Variants in JAKMIP1 observed in about 807,000 individuals in gnomAD.
JAKMIP1 encodes the protein janus kinase and microtubule-interacting protein 1.
Under a neutral mutation model 113.0 loss-of-function variants are expected in JAKMIP1, and 33 were observed. The ratio of observed to expected loss-of-function variants is 0.29; its 90% CI spans 0.22 to 0.39. The LOEUF (loss-of-function observed/expected upper bound fraction) is 0.39. JAKMIP1 is among the 10% of genes least tolerant of loss of function. The pLI is 1.00. For synonymous variants in JAKMIP1, 480 were observed against 459.9 expected (o/e 1.04, Z -0.56); for missense variants, 813 against 1,080.5 (o/e 0.75, Z 3.47).
intron 1 of JAKMIP1, among the ~76,000 whole-genome samples, chr4:6,130,954 G>T (rs1200557165): frequency 6.6e-6 from 1 of 151,734 alleles, no homozygotes; most frequent in East Asian, 1.9e-4. Context: ...AAGGCAAATT[G>T]CTTGACCCCA....
chr4:6,082,428 C>T (rs951802167), intron 5 of JAKMIP1, among the ~76,000 whole-genome samples: 5 of 151,760 alleles, frequency 3.3e-5, no homozygotes, highest in African/African-American at 1.2e-4. Flanking sequence ...TGACTTGAAC[C>T]TTTATGTAAA....
chr4:6,187,030 A>G lies in JAKMIP1; in HGVS notation c.-148+13223T>C, dbSNP rs1726723154. ...TTTTTTGTAGAGACAGAGTTTCATC[A>G]TGTTATCCAGGCTGGTCTCAAACTC... On this transcript the variant is annotated intron_variant, in intron 1 of 20. Coordinates refer to ENST00000409021, the MANE Select transcript of JAKMIP1 (RefSeq NM_001099433.2). This position sits in a 1 kb window ranked among gnomAD's most constrained non-coding sequence, Gnocchi z 4.2. 6.6e-6 allele frequency among the ~76,000 whole-genome samples: 1 copy of G among 151,916 alleles called. No homozygotes were observed. Among genetic ancestry groups the G allele is most frequent in the Non-Finnish European group, 1.5e-5 (1 of 67,994 alleles).
rs977732763 is a variant in JAKMIP1 at position 6,155,441 on chromosome 4, G to A, written c.-147-42444C>T. Among the ~76,000 whole-genome samples, 2 of 152,204 alleles carry A rather than the reference G, an allele frequency of 1.3e-5. No homozygotes were observed. Among genetic ancestry groups the A allele is most frequent in the African/African-American group, 4.8e-5 (2 of 41,456 alleles). On this transcript the variant is annotated intron_variant, in intron 1 of 20. Coordinates refer to ENST00000409021, the MANE Select transcript of JAKMIP1 (RefSeq NM_001099433.2). This position sits in a 1 kb window ranked among gnomAD's most constrained non-coding sequence, Gnocchi z 6.1. ...AAAGTATGGAAAGGCTAAAACACTT[G>A]TCCAAAAGTGCACAGCTACTAAGCG...
At chr4:6,084,367 T>C (rs1331144441) in intron 5 of JAKMIP1, among the ~76,000 whole-genome samples, 1 of 150,080 alleles carries the variant, frequency 6.7e-6, no homozygotes, top group Non-Finnish European at 1.5e-5. Context: ...ATGATGACAA[T>C]GTATTATTGT....
chr4:6,092,343 A>C (rs1227781462), intron 3 of JAKMIP1, among the ~76,000 whole-genome samples: 2 of 152,214 alleles, frequency 1.3e-5, no homozygotes, highest in African/African-American at 2.4e-5. Flanking sequence ...CCTGTGCTAC[A>C]AAATGAGACA....
chr4:6,045,261 C>T (rs573654260), intron 16 of JAKMIP1, among the ~76,000 whole-genome samples: 10 of 152,346 alleles, frequency 6.6e-5, no homozygotes, highest in South Asian at 2.1e-4. Context: ...GTCTTTTTCT[C>T]GATCCACTTT....
intron 1 of JAKMIP1, among the ~76,000 whole-genome samples, chr4:6,147,665 C>G (rs192235881): frequency 6.6e-6 from 1 of 152,356 alleles, no homozygotes; most frequent in East Asian, 1.9e-4. Context: ...TCACTCTCCC[C>G]CACCGGGTCC....
chr4:6,095,083 T>C (rs1012745429), intron 3 of JAKMIP1, among the ~76,000 whole-genome samples: 1 of 28,056 alleles, frequency 3.6e-5, no homozygotes, highest in African/African-American at 1.4e-4. Flanking sequence ...GAAGGGGGAG[T>C]GGGGGAGGGA....
chr4:6,072,206 C>T (rs1442039075), intron 8 of JAKMIP1, among the ~76,000 whole-genome samples: 1 of 152,232 alleles, frequency 6.6e-6, no homozygotes, highest in African/African-American at 2.4e-5. Flanking sequence ...CATGTGACCA[C>T]ACACCCCCTC....
At chr4:6,159,088 C>A (rs201042494) in intron 1 of JAKMIP1, among the ~76,000 whole-genome samples, 43 of 143,566 alleles carry the variant, frequency 3.0e-4, no homozygotes, top group East Asian at 4.0e-4. Context: ...GATCCTGTCT[C>A]AAAAAAAAAA....
Position 6,069,556 on chromosome 4 carries a change from C to G in JAKMIP1, c.1303-4548G>C, listed in dbSNP as rs1296222853. ...TTGAGCCCAGGAGTTCAAGATCAAC[C>G]TGGGCCACATAGTGAGAATCCATCT... is the stretch of plus-strand genomic sequence containing the variant. On this transcript the variant is annotated intron_variant, in intron 8 of 20. Coordinates refer to ENST00000409021, the MANE Select transcript of JAKMIP1 (RefSeq NM_001099433.2). The surrounding 1 kb of genome is among the most constrained non-coding windows in gnomAD (Gnocchi z 4.5). Among the ~76,000 whole-genome samples the G allele has an allele frequency of 6.6e-6, 1 of 152,038 alleles. No homozygotes were observed. The highest frequency in any genetic ancestry group is 1.9e-4 in the East Asian group (1 of 5,190).
rs573590615 is a variant in JAKMIP1 at position 6,168,674 on chromosome 4, T to C, written c.-148+31579A>G. ...GGGAGGGCGAGGCGGGCAGATTTTTTGAGTCCAAGAGTCCAAGACCAGCTT... is the reference window on the plus strand; with the variant it reads ...GGGAGGGCGAGGCGGGCAGATTTTTCGAGTCCAAGAGTCCAAGACCAGCTT... On this transcript the variant is annotated intron_variant, in intron 1 of 20. Transcript: ENST00000409021. The surrounding 1 kb of genome is among the most constrained non-coding windows in gnomAD (Gnocchi z 4.6). Among the ~76,000 whole-genome samples, 4 of 151,990 alleles carry C rather than the reference T, an allele frequency of 2.6e-5. No individual in the cohort carries two copies. Among genetic ancestry groups the C allele is most frequent in the Non-Finnish European group, 5.9e-5 (4 of 68,014 alleles).
chr4:6,165,925 G>A (rs1723574293), intron 1 of JAKMIP1, among the ~76,000 whole-genome samples: 1 of 152,098 alleles, frequency 6.6e-6, no homozygotes, highest in Non-Finnish European at 1.5e-5. Context: ...TCCACCCCAA[G>A]GCTCTAGCAG....
chr4:6,048,993 G>T, intron 15 of JAKMIP1, 71 bp from the exon 16 acceptor site: 1 of 1,190,332 alleles, frequency 8.4e-7, no homozygotes, highest in Non-Finnish European at 1.2e-6. Context: ...TCAGCACCAA[G>T]CAAGTTTTTT....
chr4:6,074,528 G>A (rs1294116016), intron 8 of JAKMIP1, among the ~76,000 whole-genome samples: 1 of 152,208 alleles, frequency 6.6e-6, no homozygotes, highest in African/African-American at 2.4e-5. Flanking sequence ...AAAGAAACTA[G>A]TCTAGTCATC....
In JAKMIP1 at chr4:6,135,489, G is replaced by T. The variant is rs1296872462; in HGVS notation, c.-147-22492C>A. 6.6e-6 allele frequency among the ~76,000 whole-genome samples: 1 copy of T among 152,086 alleles called. No individual in the cohort carries two copies. Among genetic ancestry groups the T allele is most frequent in the Non-Finnish European group, 1.5e-5 (1 of 68,014 alleles). On this transcript the variant is annotated intron_variant, in intron 1 of 20. Coordinates refer to ENST00000409021, the MANE Select transcript of JAKMIP1 (RefSeq NM_001099433.2). This position sits in a 1 kb window ranked among gnomAD's most constrained non-coding sequence, Gnocchi z 4.9. ...CCGCCCAGTCTGTGGAGTCCATCAT[G>T]GCAGCCCCTGAAGACTGATACAGAG...
rs73073472 is a variant in JAKMIP1 at position 6,086,167 on chromosome 4, C to A, written c.625-538G>T. Among the ~76,000 whole-genome samples the A allele has an allele frequency of 1.3e-5, 2 of 152,132 alleles. No individual in the cohort carries two copies. The highest frequency in any genetic ancestry group is 4.8e-5 in the African/African-American group (2 of 41,432). Reference sequence around the variant, plus strand: ...ACTCCGTCACCCACTCCCAGACTCACGACCTCCTGCTCCCTCTCCCCAAGG... The same window carrying A: ...ACTCCGTCACCCACTCCCAGACTCAAGACCTCCTGCTCCCTCTCCCCAAGG... On this transcript the variant is annotated intron_variant, in intron 3 of 20. Transcript: ENST00000409021. This position sits in a 1 kb window ranked among gnomAD's most constrained non-coding sequence, Gnocchi z 4.1.
At position 6,042,138 on chromosome 4, in the gene JAKMIP1, C is replaced by A; in HGVS notation, c.2097+21G>T. On this transcript the variant is annotated intron_variant, in intron 17 of 20. Coordinates refer to ENST00000409021, the MANE Select transcript of JAKMIP1 (RefSeq NM_001099433.2). The surrounding 1 kb of genome is among the most constrained non-coding windows in gnomAD (Gnocchi z 5.2). ...GCTCTTTGAACCCTCTCCCCCACCC[C>A]CAGGCAGTCAAATCTTTTACCTTCT... 1 of 1,607,456 alleles carries A rather than the reference C, an allele frequency of 6.2e-7. No individual in the cohort carries two copies. The highest frequency in any genetic ancestry group is 8.5e-7 in the Non-Finnish European group (1 of 1,174,022).
At chr4:6,172,066 C>T (rs1724792844) in intron 1 of JAKMIP1, among the ~76,000 whole-genome samples, 1 of 152,208 alleles carries the variant, frequency 6.6e-6, no homozygotes, top group Admixed American at 6.5e-5. Context: ...CACCAGGCCA[C>T]GCAGGAATTC....
Sources: allele counts gnomAD v4.1 joint callset (sites outside exome capture counted in the v4.1 genomes callset), GRCh38; gene constraint gnomAD v4.1.1; non-coding constraint Gnocchi (gnomAD v3.1); transcripts MANE v1.5; gene names NCBI Gene and HGNC (gene_info 2026-07-23, HGNC 2026-07-21).